The following OR9G4 variants were observed in gnomAD, a reference collection of about 807,000 sequenced individuals.
OR9G4 encodes the protein olfactory receptor 9G4.
OR9G4 carries 19 observed loss-of-function variants against 16.7 expected under a neutral mutation model. The ratio of observed to expected loss-of-function variants is 1.14; its 90% CI spans 0.79 to 1.67. The LOEUF is 1.67. Ranked by LOEUF, OR9G4 falls within the 40% of genes most tolerant of loss-of-function variation. The pLI is 0.00. For synonymous variants in OR9G4, 182 were observed against 146.2 expected, an observed-to-expected ratio of 1.24 and a Z score of -1.76; for missense variants, 428 against 370.4, an observed-to-expected ratio of 1.16 and a Z score of -1.28.
chr11:56,745,751 G>C (rs887212984), intron 1 of OR9G4, among the ~76,000 whole-genome samples: 3 of 147,956 alleles, frequency 2.0e-5, no homozygotes, highest in African/African-American at 7.5e-5. Context: ...CAGCAAGGGT[G>C]ACAGAGAGAT....
At position 56,746,818 on chromosome 11, in the gene OR9G4, A is replaced by C. The variant is rs1858423893; in HGVS notation, c.-23+1838T>G. 3.3e-5 allele frequency among the ~76,000 whole-genome samples: 5 copies of C among 152,068 alleles called. No homozygotes were observed. In the South Asian group the frequency reaches 1.0e-3, roughly 31 times the overall value. On this transcript the variant is annotated intron_variant, in intron 1 of 1. Transcript: ENST00000641668. ...AAATTGCAATTTTCCTACCTTCAAA[A>C]TGTATCCTGAATCTGACCACTTCTC...
At chr11:56,747,511 T>G (rs1481543818) in intron 1 of OR9G4, among the ~76,000 whole-genome samples, 1 of 152,170 alleles carries the variant, frequency 6.6e-6, no homozygotes, top group Non-Finnish European at 1.5e-5. Context: ...CTCACCAGAA[T>G]GCAACATCTA....
intron 1 of OR9G4, among the ~76,000 whole-genome samples, chr11:56,745,575 T>C (rs996110271): frequency 2.0e-5 from 3 of 150,276 alleles, no homozygotes; most frequent in Non-Finnish European, 3.0e-5. Flanking sequence ...AGGCCAGGAG[T>C]TCAGAACCAG....
Position 56,743,404 on chromosome 11 carries a change from G to T in OR9G4, c.363C>A (p.Asp121Glu). 6.2e-7 allele frequency: 1 copy of T among 1,614,078 alleles called. No homozygotes were observed. Among genetic ancestry groups the T allele is most frequent in the Non-Finnish European group, 8.5e-7 (1 of 1,180,006 alleles). The stretch of plus-strand genomic sequence containing the variant: ...ATGGGTTACAAATTGCTGCATGGCG[G>T]TCATATGCCATGGCTGCCAGGAGAT... ...ECYLLAAMAY[D>E]RHAAICNPLL... The change falls in exon 2 of 2, where the codon GAC becomes GAA. Residue 121 changes from aspartate (D) to glutamate (E), a missense_variant. By Grantham distance (45) the Asp-to-Glu change is conservative. Coordinates refer to ENST00000641668, the MANE Select transcript of OR9G4 (RefSeq NM_001005284.2).
intron 1 of OR9G4, among the ~76,000 whole-genome samples, chr11:56,746,792 A>G (rs1858423621): frequency 6.6e-6 from 1 of 152,136 alleles, no homozygotes; most frequent in South Asian, 2.1e-4. Flanking sequence ...CAAATTTCAG[A>G]AAATTGCAAT....
chr11:56,742,685 A>C lies in OR9G4; in HGVS notation c.*143T>G. On this transcript the variant is annotated 3_prime_UTR_variant, in exon 2 of 2. Coordinates refer to ENST00000641668, the MANE Select transcript of OR9G4 (RefSeq NM_001005284.2). ...GTTTTGTTTACATCATAACAAACGA[A>C]TAACAAGGAGTCATGTGGTCAATAT... 2 of 702,340 alleles carry C rather than the reference A, an allele frequency of 2.8e-6. No homozygotes were observed. The highest frequency in any genetic ancestry group is 4.8e-6 in the Non-Finnish European group (2 of 419,912). 43.5% of individuals were successfully genotyped at this position (702,340 alleles called of 1,614,324 possible).
chr11:56,745,645 G>A lies in OR9G4; in HGVS notation c.-22-1857C>T, dbSNP rs188469383. ...AAATCAGCCAGGCGTGGTGGTACAC[G>A]GCTGTAATCCCAGCTACTTGGGAGG... On this transcript the variant is annotated intron_variant, in intron 1 of 1. Coordinates refer to ENST00000641668, the MANE Select transcript of OR9G4 (RefSeq NM_001005284.2). 3.0e-3 allele frequency among the ~76,000 whole-genome samples: 454 copies of A among 152,052 alleles called. 3 individuals carry two copies. The highest frequency in any genetic ancestry group is 9.9e-3 in the African/African-American group (409 of 41,496).
chr11:56,744,070 T>G, intron 1 of OR9G4: 1 of 403,252 alleles, frequency 2.5e-6, no homozygotes, highest in Non-Finnish European at 4.3e-6. Flanking sequence ...AACTAATTAC[T>G]TCTTCTTTTT....
Position 56,742,964 on chromosome 11 carries a change from A to T in OR9G4, c.803T>A (p.Leu268Gln), listed in dbSNP as rs773283202. The change falls in exon 2 of 2, where the codon CTA (leucine) becomes CAA (glutamine). Residue 268 changes from leucine (L) to glutamine (Q), a missense_variant. Transcript: ENST00000641668. ...CAGAGCAGCTACTTTGTCCCTCTCT[A>T]GGGAGTAGGTGGAACTAGGCCTTGA... ...MYSRPSSTYS[L>Q]ERDKVAALFY... The T allele has an allele frequency of 5.0e-6, 8 of 1,614,126 alleles. No individual in the cohort carries two copies. In the East Asian group the frequency reaches 1.6e-4, roughly 31 times the overall value.
rs1341683938 is a variant in OR9G4 at position 56,748,681 on chromosome 11, G to A, written c.-48C>T. 1.3e-5 allele frequency: 2 copies of A among 152,212 alleles called. No homozygotes were observed. Among genetic ancestry groups the A allele is most frequent in the Non-Finnish European group, 2.9e-5 (2 of 68,060 alleles). 9.4% of individuals were successfully genotyped at this position (152,212 alleles called of 1,614,324 possible). A position where few individuals can be genotyped will look rare whatever the true frequency, so the allele number is the denominator to read the frequency against. ...CCTTGGTTTGGAAGGCCAGCTCTTG[G>A]AAGTCACACTTTTCCCTCTCTTCTG... On this transcript the variant is annotated 5_prime_UTR_variant, in exon 1 of 2. Transcript: ENST00000641668.
intron 1 of OR9G4, 65 bp from the exon 2 acceptor site, chr11:56,743,853 C>A (rs200027607): frequency 6.5e-7 from 1 of 1,528,328 alleles, no homozygotes; most frequent in Admixed American, 2.0e-5. Context: ...ACAAGGGTAT[C>A]AATTAAATCA....
Position 56,743,132 on chromosome 11 carries a change from A to G in OR9G4, c.635T>C (p.Leu212Pro). The G allele has an allele frequency of 1.2e-6, 2 of 1,614,152 alleles. No individual in the cohort carries two copies. The highest frequency in any genetic ancestry group is 1.6e-4 in the Middle Eastern group (1 of 6,062). The stretch of plus-strand genomic sequence containing the variant: ...GTTGACATAGGAAATCAGGATAGCA[A>G]GAATGCTGGAGAGTACTGTGAAGCC... ...VVGFTVLSSI[L>P]AILISYVNIL... Residue 212 changes from leucine to proline, a missense_variant, in exon 2 of 2, where the codon CTT becomes CCT. Coordinates refer to ENST00000641668, the MANE Select transcript of OR9G4 (RefSeq NM_001005284.2).
chr11:56,747,873 A>G (rs1858444833), intron 1 of OR9G4, among the ~76,000 whole-genome samples: 1 of 152,124 alleles, frequency 6.6e-6, no homozygotes, highest in Non-Finnish European at 1.5e-5. Flanking sequence ...ACAGGGCTTC[A>G]CTATGTTGGC....
In OR9G4 at chr11:56,743,074, A is replaced by G. The variant is rs757580205; in HGVS notation, c.693T>C (p.Ala231=). The G allele has an allele frequency of 5.5e-5, 89 of 1,614,040 alleles. No homozygotes were observed. Among genetic ancestry groups the G allele is most frequent in the Non-Finnish European group, 7.3e-5 (86 of 1,180,014 alleles). ...TGGAGAATGCCTTGTGTCTTCCTGA[A>G]GCTGAGTGGATTCTCAGGATAGCCA... The part of the protein sequence containing the change: ...ILLAILRIHS[A]SGRHKAFSTC... Residue 231 remains alanine, a synonymous_variant, in exon 2 of 2, where the codon GCT becomes GCC. Coordinates refer to ENST00000641668, the MANE Select transcript of OR9G4 (RefSeq NM_001005284.2).
intron 1 of OR9G4, among the ~76,000 whole-genome samples, chr11:56,746,065 G>A (rs987247343): frequency 6.6e-6 from 1 of 151,746 alleles, no homozygotes; most frequent in Non-Finnish European, 1.5e-5. Context: ...AGGCCGAGGC[G>A]GGCGGATCAC....
chr11:56,747,876 A>G (rs2135063781), intron 1 of OR9G4, among the ~76,000 whole-genome samples: 1 of 152,214 alleles, frequency 6.6e-6, no homozygotes, highest in Admixed American at 6.5e-5. Context: ...GGGCTTCACT[A>G]TGTTGGCCAG....
intron 1 of OR9G4, among the ~76,000 whole-genome samples, chr11:56,745,237 G>A (rs936423028): frequency 3.3e-5 from 5 of 152,116 alleles, no homozygotes; most frequent in African/African-American, 4.8e-5. Context: ...TAGTGGTATC[G>A]TCCAGTATCT....
chr11:56,744,639 C>T (rs1858375677), intron 1 of OR9G4, among the ~76,000 whole-genome samples: 1 of 152,028 alleles, frequency 6.6e-6, no homozygotes, highest in African/African-American at 2.4e-5. Flanking sequence ...TTGCTTTGGC[C>T]AATAGATTGA....
At chr11:56,744,072 C>T (rs1295934215) in intron 1 of OR9G4, 1 of 400,476 alleles carries the variant, frequency 2.5e-6, no homozygotes, top group Admixed American at 4.2e-5. Flanking sequence ...CTAATTACTT[C>T]TTCTTTTTTT....
Sources: gnomAD v4.1 joint callset for allele counts (sites outside exome capture counted in the v4.1 genomes callset) on GRCh38, gnomAD v4.1.1 for gene constraint, MANE v1.5 for transcripts, NCBI Gene and HGNC (gene_info 2026-07-23, HGNC 2026-07-21) for gene names.